Variants in SNTG2 observed in about 807,000 individuals in gnomAD.
SNTG2 encodes gamma-2-syntrophin.
In SNTG2, 74 loss-of-function variants were observed where a neutral mutation model predicts 70.9. The ratio of observed to expected loss-of-function variants is 1.04; its 90% CI spans 0.86 to 1.27. The LOEUF (loss-of-function observed/expected upper bound fraction) is 1.27. Among genes scored for constraint, SNTG2 ranks in the 50% most tolerant of loss-of-function variants. SNTG2 has a pLI of 0.00. For synonymous variants in SNTG2, 278 were observed against 273.8 expected, an observed-to-expected ratio of 1.02 and a Z score of -0.15; for missense variants, 717 against 690.7, an observed-to-expected ratio of 1.04 and a Z score of -0.43.
intron 15 of SNTG2, among the ~76,000 whole-genome samples, chr2:1,310,631 A>G (rs757434328): frequency 2.1e-4 from 32 of 151,932 alleles, no homozygotes; most frequent in Non-Finnish European, 4.1e-4. Context: ...TTCCCCGGTG[A>G]GTTTCCTTTC....
rs117923606 is a variant in SNTG2 at position 1,351,409 on chromosome 2, T to C, written c.1489-15934T>C. Among the ~76,000 whole-genome samples, 119 of 152,232 alleles carry C rather than the reference T, an allele frequency of 7.8e-4. 1 individual carries two copies. In the East Asian group the frequency reaches 0.021, roughly 27 times the overall value. On this transcript the variant is annotated intron_variant, in intron 16 of 16. Coordinates refer to ENST00000308624, the MANE Select transcript of SNTG2 (RefSeq NM_018968.4). ...CCATTATTTGCTGAAGGGGAAACGG[T>C]GGTTTAAAAACCTGAGTCAAAGGAA... is the stretch of plus-strand genomic sequence containing the variant.
Position 951,003 on chromosome 2 carries a change from A to C in SNTG2, c.7A>C (p.Thr3Pro). ...CCCAGCCGCAGGGGCGGCGATGGGCACCGAGGGACCCCCGCCCCCGGCCGC... is the reference window on the plus strand; with the variant it reads ...CCCAGCCGCAGGGGCGGCGATGGGCCCCGAGGGACCCCCGCCCCCGGCCGC... Reference protein sequence around the residue: MGTEGPPPPAASR... With the variant: MGPEGPPPPAASR... Residue 3 changes from threonine (T) to proline (P), a missense_variant, in exon 1 of 17, where the codon ACC becomes CCC. Physicochemically the swap from Thr to Pro is conservative, Grantham distance 38 (BLOSUM62 -1). Coordinates refer to ENST00000308624, the MANE Select transcript of SNTG2 (RefSeq NM_018968.4). The C allele has an allele frequency of 1.3e-5, 16 of 1,255,888 alleles. No individual in the cohort carries two copies. The highest frequency in any genetic ancestry group is 1.6e-5 in the Non-Finnish European group (16 of 1,003,590). The allele number at this position is 1,255,888 out of a possible 1,614,324, so 77.8% of individuals were successfully genotyped here. A position where few individuals can be genotyped will look rare whatever the true frequency, so the allele number is the denominator to read the frequency against.
chr2:1,050,246 C>T (rs942163677), intron 1 of SNTG2, among the ~76,000 whole-genome samples: 3 of 152,024 alleles, frequency 2.0e-5, no homozygotes, highest in Non-Finnish European at 4.4e-5. Context: ...CAACTTTTCC[C>T]CTTCTTTTCA....
At chr2:1,314,911 G>A (rs993008074) in intron 15 of SNTG2, among the ~76,000 whole-genome samples, 1 of 152,152 alleles carries the variant, frequency 6.6e-6, no homozygotes, top group African/African-American at 2.4e-5. Context: ...CACGAGAACA[G>A]CATGGGAAAG....
chr2:1,324,874 A>G (rs1681697069), intron 16 of SNTG2, among the ~76,000 whole-genome samples: 1 of 152,252 alleles, frequency 6.6e-6, no homozygotes, highest in Non-Finnish European at 1.5e-5. Flanking sequence ...CTGGGAAGCC[A>G]AGCCAAGTAT....
intron 9 of SNTG2, among the ~76,000 whole-genome samples, chr2:1,220,933 C>T (rs1400242009): frequency 6.6e-6 from 1 of 152,232 alleles, no homozygotes; most frequent in African/African-American, 2.4e-5. Context: ...TAAGGTAGCT[C>T]TCCTGAGTTT....
In SNTG2 at chr2:1,203,673, A is replaced by ATATATATATATAT. The variant is rs1553355185; in HGVS notation, c.592-5430_592-5429insTATATATATATAT. 2.5e-3 allele frequency among the ~76,000 whole-genome samples: 290 copies of ATATATATATATAT among 115,470 alleles called. 1 individual carries two copies. The highest frequency in any genetic ancestry group is 8.7e-3 in the African/African-American group (271 of 31,180). The allele number at this position is 115,470 out of a possible 152,430, so 75.8% of individuals were successfully genotyped here. A position where few individuals can be genotyped will look rare whatever the true frequency, so the allele number is the denominator to read the frequency against. ...TGTCTCAAAAACAAACAAAAAAAAA[A>ATATATATATATAT]ATATATATATATATATATGTGTGTG... is the stretch of plus-strand genomic sequence containing the variant. On this transcript the variant is annotated intron_variant, in intron 8 of 16. Coordinates refer to ENST00000308624, the MANE Select transcript of SNTG2 (RefSeq NM_018968.4).
At chr2:1,088,367 C>G (rs1019296141) in intron 2 of SNTG2, among the ~76,000 whole-genome samples, 2 of 152,208 alleles carry the variant, frequency 1.3e-5, no homozygotes, top group Admixed American at 6.5e-5. Context: ...AGCTCTGATG[C>G]CTGTGTGTGT....
chr2:1,134,606 A>G (rs1229456690), intron 4 of SNTG2, among the ~76,000 whole-genome samples: 2 of 152,162 alleles, frequency 1.3e-5, no homozygotes, highest in African/African-American at 4.8e-5. Flanking sequence ...ACAATCCCTT[A>G]GCTAGACATA....
At chr2:1,079,660 T>G (rs2148160079) in intron 1 of SNTG2, among the ~76,000 whole-genome samples, 1 of 152,322 alleles carries the variant, frequency 6.6e-6, no homozygotes, top group African/African-American at 2.4e-5. Flanking sequence ...TCCCGTGTCC[T>G]CGGTCATGGA....
chr2:1,256,438 A>C (rs546240775), intron 12 of SNTG2: 1 of 152,334 alleles, frequency 6.6e-6, no homozygotes, highest in South Asian at 2.1e-4. Flanking sequence ...CAAGCTACGC[A>C]GAACCTAACC....
At chr2:1,307,918 G>T (rs915130236) in intron 14 of SNTG2, among the ~76,000 whole-genome samples, 1 of 152,218 alleles carries the variant, frequency 6.6e-6, no homozygotes, top group Non-Finnish European at 1.5e-5. Context: ...CACCGGCCGC[G>T]GGTGGGATGC....
intron 12 of SNTG2, among the ~76,000 whole-genome samples, chr2:1,255,896 AT>A (rs1170907968): frequency 8.5e-4 from 71 of 83,626 alleles, no homozygotes; most frequent in South Asian, 2.9e-3. Context: ...ATATATATAA[AT>A]ATATATATAA....
intron 1 of SNTG2, among the ~76,000 whole-genome samples, chr2:1,040,498 A>T (rs567512465): frequency 6.6e-6 from 1 of 152,000 alleles, no homozygotes; most frequent in Admixed American, 6.6e-5. Context: ...CAAGGCTCTG[A>T]CTTCCTCTGG....
At chr2:1,225,541 G>A (rs937724731) in intron 9 of SNTG2, among the ~76,000 whole-genome samples, 2 of 152,146 alleles carry the variant, frequency 1.3e-5, no homozygotes, top group African/African-American at 4.8e-5. Context: ...TTGAGAGTCG[G>A]CTTTTACTGC....
At chr2:1,231,195 G>A (rs965421929) in intron 9 of SNTG2, among the ~76,000 whole-genome samples, 3 of 151,090 alleles carry the variant, frequency 2.0e-5, no homozygotes, top group Non-Finnish European at 4.4e-5. Context: ...TCACTGCGAG[G>A]GTGAAATAGA....
At position 1,306,727 on chromosome 2, in the gene SNTG2, G is replaced by A. The variant is rs533438480; in HGVS notation, c.1285-1767G>A. 2.7e-3 allele frequency among the ~76,000 whole-genome samples: 405 copies of A among 148,152 alleles called. 2 individuals are homozygous for A. The highest frequency in any genetic ancestry group is 9.0e-3 in the African/African-American group (363 of 40,320). ...GTGTGTGTGCCATGCACTGTCAGCC[G>A]TGCGCTGTGTGAGCCACACTGTGTG... On this transcript the variant is annotated intron_variant, in intron 14 of 16. Coordinates refer to ENST00000308624, the MANE Select transcript of SNTG2 (RefSeq NM_018968.4).
At chr2:1,320,773 A>C (rs1293128259) in intron 16 of SNTG2, among the ~76,000 whole-genome samples, 1 of 152,132 alleles carries the variant, frequency 6.6e-6, no homozygotes, top group Non-Finnish European at 1.5e-5. Flanking sequence ...TTTGTTATTC[A>C]TGCAAATTAT....
chr2:1,209,108 A>G lies in SNTG2; in HGVS notation c.597A>G (p.Pro199=). 2.5e-6 allele frequency: 4 copies of G among 1,613,828 alleles called. No homozygotes were observed. Among genetic ancestry groups the G allele is most frequent in the Non-Finnish European group, 3.4e-6 (4 of 1,179,862 alleles). Reference sequence around the variant, plus strand: ...TTCTCCTTTCTTCTGTACAGGCCCCATCGTCACCTTCCTCGCCCATAGCTA... The same window carrying G: ...TTCTCCTTTCTTCTGTACAGGCCCCGTCGTCACCTTCCTCGCCCATAGCTA... ...HLNGNSSTTA[P]SSPSSPIAKD... The change falls in exon 9 of 17, where the codon CCA becomes CCG. Residue 199 remains proline (P), a synonymous_variant. Coordinates refer to ENST00000308624, the MANE Select transcript of SNTG2 (RefSeq NM_018968.4).
Sources: gnomAD v4.1 joint callset for allele counts (sites outside exome capture counted in the v4.1 genomes callset) on GRCh38, gnomAD v4.1.1 for gene constraint, MANE v1.5 for transcripts, NCBI Gene and HGNC (gene_info 2026-07-23, HGNC 2026-07-21) for gene names.